The following BCL11B variants were observed in gnomAD, a reference collection of about 807,000 sequenced individuals.
The protein encoded by BCL11B is B-cell lymphoma/leukemia 11B.
In BCL11B, 8 loss-of-function variants were observed where a neutral mutation model predicts 49.9. The observed-to-expected ratio is 0.16, with a 90% CI of 0.09 to 0.29. The LOEUF (loss-of-function observed/expected upper bound fraction) is 0.29, where lower values mean the gene tolerates loss of function less well. BCL11B is among the 10% of genes least tolerant of loss of function. BCL11B has a pLI of 1.00. For missense variants in BCL11B, 1,006 were observed against 1,351.0 expected, an observed-to-expected ratio of 0.74 and a Z score of 4.00; for synonymous variants, 739 against 637.4, an observed-to-expected ratio of 1.16 and a Z score of -2.40.
Position 99,174,430 on chromosome 14 carries a change from G to A in BCL11B, c.2406C>T (p.Gly802=), listed in dbSNP as rs1370274702. 2 of 1,612,810 alleles carry A rather than the reference G, an allele frequency of 1.2e-6. No individual in the cohort carries two copies. Among genetic ancestry groups the A allele is most frequent in the Middle Eastern group, 1.7e-4 (1 of 6,054 alleles). ...GRRSDTCEYC[G]KVFKNCSNLT... is the part of the protein sequence containing the mutation. ...AGTTGCTGCAGTTCTTGAACACCTTGCCGCAGTACTCGCACGTGTCGCTGC... is the reference window on the plus strand; with the variant it reads ...AGTTGCTGCAGTTCTTGAACACCTTACCGCAGTACTCGCACGTGTCGCTGC... The change falls in exon 4 of 4, where the codon GGC becomes GGT. Residue 802 remains glycine, a synonymous_variant. Transcript: ENST00000357195.
chr14:99,196,029 G>A (rs564159751), intron 3 of BCL11B, among the ~76,000 whole-genome samples: 2 of 152,252 alleles, frequency 1.3e-5, no homozygotes, highest in East Asian at 1.9e-4. Flanking sequence ...GTCCTGGCCC[G>A]CTTCCCAGTC....
Position 99,174,501 on chromosome 14 carries a change from G to A in BCL11B, c.2335C>T (p.Leu779=). ...GTASGGSTPH[L]GGPGPGRPSS... ...GGCCGCCCGGGGCCCGGGCCGCCCA[G>A]GTGCGGGGTGCTGCCTCCGCTGGCC... Residue 779 remains leucine (L), a synonymous_variant, in exon 4 of 4, where the codon CTG becomes TTG. Coordinates refer to ENST00000357195, the MANE Select transcript of BCL11B (RefSeq NM_138576.4). 6.5e-7 allele frequency: 1 copy of A among 1,544,934 alleles called. No individual in the cohort carries two copies. The highest frequency in any genetic ancestry group is 8.7e-7 in the Non-Finnish European group (1 of 1,147,430).
chr14:99,196,028 C>T (rs1023491084), intron 3 of BCL11B, among the ~76,000 whole-genome samples: 6 of 152,112 alleles, frequency 3.9e-5, no homozygotes, highest in South Asian at 2.1e-4. Context: ...AGTCCTGGCC[C>T]GCTTCCCAGT....
In BCL11B at chr14:99,174,527, G is replaced by A; in HGVS notation, c.2309C>T (p.Thr770Met). Residue 770 changes from threonine to methionine, a missense_variant, in exon 4 of 4, where the codon ACG (threonine) becomes ATG (methionine). By Grantham distance (81) the Thr-to-Met change is moderately conservative. Coordinates refer to ENST00000357195, the MANE Select transcript of BCL11B (RefSeq NM_138576.4). Reference sequence around the variant, plus strand: ...GTGCGGGGTGCTGCCTCCGCTGGCCGTGCCGCTGCGGCCCGAGAGGCCGCC... The same window carrying A: ...GTGCGGGGTGCTGCCTCCGCTGGCCATGCCGCTGCGGCCCGAGAGGCCGCC... ...LDGGLSGRSG[T>M]ASGGSTPHLG... 2.0e-6 allele frequency: 3 copies of A among 1,519,228 alleles called. No individual in the cohort carries two copies. The highest frequency in any genetic ancestry group is 2.6e-6 in the Non-Finnish European group (3 of 1,135,442). The allele number at this position is 1,519,228 out of a possible 1,614,324, so 94.1% of individuals were successfully genotyped here.
rs1355966533 is a variant in BCL11B at position 99,241,500 on chromosome 14, A to G, written c.428-9943T>C. Among the ~76,000 whole-genome samples, 1 of 152,136 alleles carries G rather than the reference A, an allele frequency of 6.6e-6. No homozygotes were observed. The highest frequency in any genetic ancestry group is 2.4e-5 in the African/African-American group (1 of 41,434). On this transcript the variant is annotated intron_variant, in intron 2 of 3. Coordinates refer to ENST00000357195, the MANE Select transcript of BCL11B (RefSeq NM_138576.4). The surrounding 1 kb of genome is among the most constrained non-coding windows in gnomAD (Gnocchi z 4.4). ...AGAAAAAAAAAAATCTTCGCACCACATCACCAAAATGGCAGAAAAATTAAG... is the reference window on the plus strand; with the variant it reads ...AGAAAAAAAAAAATCTTCGCACCACGTCACCAAAATGGCAGAAAAATTAAG...
intron 3 of BCL11B, among the ~76,000 whole-genome samples, chr14:99,223,550 C>A (rs180682342): frequency 6.6e-6 from 1 of 152,174 alleles, no homozygotes; most frequent in African/African-American, 2.4e-5. Flanking sequence ...CTGTTTAATA[C>A]GGCGCTGCTC....
At chr14:99,202,998 A>C (rs1887430725) in intron 3 of BCL11B, among the ~76,000 whole-genome samples, 1 of 152,202 alleles carries the variant, frequency 6.6e-6, no homozygotes, top group Non-Finnish European at 1.5e-5. Context: ...TAAGAAATAC[A>C]CAGGGTCCCC....
At position 99,174,929 on chromosome 14, in the gene BCL11B, T is replaced by C. The variant is rs1043387726; in HGVS notation, c.1907A>G (p.Asp636Gly). Reference protein sequence around the residue: ...RAAGGGDAGDDDDAGGCGDAG... With the variant: ...RAAGGGDAGDGDDAGGCGDAG... ...GTCCCCGCAGCCGCCCGCGTCGTCG[T>C]CGTCGCCCGCGTCCCCGCCGCCCGC... The change falls in exon 4 of 4, where the codon GAC (aspartate) becomes GGC (glycine). Residue 636 changes from aspartate (D) to glycine (G), a missense_variant. Physicochemically the swap from Asp to Gly is moderately conservative, Grantham distance 94 (BLOSUM62 -1). This residue lies in a region of BCL11B where 443 missense variants were observed against 499.7 expected (regional missense o/e 0.89). Coordinates refer to ENST00000357195, the MANE Select transcript of BCL11B (RefSeq NM_138576.4). 4.0e-5 allele frequency: 53 copies of C among 1,312,316 alleles called. No homozygotes were observed. The highest frequency in any genetic ancestry group is 4.8e-5 in the Non-Finnish European group (49 of 1,025,424). The allele number at this position is 1,312,316 out of a possible 1,614,324, so 81.3% of individuals were successfully genotyped here. A position where few individuals can be genotyped will look rare whatever the true frequency, so the allele number is the denominator to read the frequency against.
chr14:99,181,453 C>T (rs1255878601), intron 3 of BCL11B, among the ~76,000 whole-genome samples: 3 of 152,248 alleles, frequency 2.0e-5, no homozygotes, highest in African/African-American at 2.4e-5. Flanking sequence ...GGGCAGGCCA[C>T]GCTCCTCCTC....
At chr14:99,191,152 C>T (rs1421093190) in intron 3 of BCL11B, among the ~76,000 whole-genome samples, 1 of 152,218 alleles carries the variant, frequency 6.6e-6, no homozygotes, top group East Asian at 1.9e-4. Flanking sequence ...GTTGTTTTGC[C>T]CCTCCAGGAA....
In BCL11B at chr14:99,217,385, G is replaced by GACACACACACACATACAC. The variant is rs555834922; in HGVS notation, c.640+13959_640+13960insGTGTATGTGTGTGTGTGT. 3.8e-5 allele frequency among the ~76,000 whole-genome samples: 5 copies of GACACACACACACATACAC among 131,130 alleles called. No individual in the cohort carries two copies. The East Asian group carries it at 6.4e-4, about 17-fold the overall frequency. 86.0% of individuals were successfully genotyped at this position (131,130 alleles called of 152,430 possible). A position where few individuals can be genotyped will look rare whatever the true frequency, so the allele number is the denominator to read the frequency against. ...GAGTACAAATATACACACACATACA[G>GACACACACACACATACAC]ACACACACACACACACACACACACA... On this transcript the variant is annotated intron_variant, in intron 3 of 3. Coordinates refer to ENST00000357195, the MANE Select transcript of BCL11B (RefSeq NM_138576.4).
chr14:99,175,699 G>T lies in BCL11B; in HGVS notation c.1137C>A (p.Pro379=). 6.6e-7 allele frequency: 1 copy of T among 1,511,102 alleles called. No homozygotes were observed. The highest frequency in any genetic ancestry group is 8.7e-7 in the Non-Finnish European group (1 of 1,144,938). The allele number at this position is 1,511,102 out of a possible 1,614,324, so 93.6% of individuals were successfully genotyped here. Residue 379 remains proline (P), a synonymous_variant, in exon 4 of 4, where the codon CCC becomes CCA. Transcript: ENST00000357195. ...TAGGGTTGCCGCGGCCCGGGGACAC[G>T]GGCGGCGGCGTGGAGCTGTTGCCCG... The part of the protein sequence containing the change: ...ELAGNSSTPP[P]VSPGRGNPMH...
intron 3 of BCL11B, among the ~76,000 whole-genome samples, chr14:99,230,132 C>T (rs1025530629): frequency 6.6e-6 from 1 of 152,144 alleles, no homozygotes; most frequent in African/African-American, 2.4e-5. Flanking sequence ...CCAGGCCACC[C>T]TACTAGGGAG....
intron 2 of BCL11B, among the ~76,000 whole-genome samples, chr14:99,238,476 G>A (rs971206864): frequency 1.3e-5 from 2 of 152,196 alleles, no homozygotes; most frequent in Non-Finnish European, 2.9e-5. Flanking sequence ...CCCAAGGACT[G>A]GTGAAGTTAC....
At chr14:99,270,218 A>ACTGCG (rs1347038014) in intron 1 of BCL11B, among the ~76,000 whole-genome samples, 10 of 152,122 alleles carry the variant, frequency 6.6e-5, no homozygotes, top group African/African-American at 2.4e-4. Context: ...GTGGATTTCC[A>ACTGCG]CTGCGACCTG....
At chr14:99,269,847 C>G (rs1012964683) in intron 1 of BCL11B, among the ~76,000 whole-genome samples, 1 of 126,498 alleles carries the variant, frequency 7.9e-6, no homozygotes, top group African/African-American at 3.1e-5. Flanking sequence ...TCGATGGCAC[C>G]CAGAGGATGT....
intron 3 of BCL11B, among the ~76,000 whole-genome samples, chr14:99,229,169 C>T (rs1027278080): frequency 1.1e-4 from 16 of 151,770 alleles, no homozygotes; most frequent in African/African-American, 3.4e-4. Context: ...GACGGATAGA[C>T]GTGAGCTGTG....
intron 3 of BCL11B, among the ~76,000 whole-genome samples, chr14:99,201,104 G>C (rs138332914): frequency 1.3e-5 from 2 of 152,322 alleles, no homozygotes; most frequent in East Asian, 3.9e-4. Context: ...CAGGATCAAA[G>C]CTGCAGAGGA....
chr14:99,234,893 G>C (rs1888447667), intron 2 of BCL11B, among the ~76,000 whole-genome samples: 1 of 130,284 alleles, frequency 7.7e-6, no homozygotes. Context: ...CTAAAAATAA[G>C]GCCCCTAAAA....
Sources: allele counts gnomAD v4.1 joint callset (sites outside exome capture counted in the v4.1 genomes callset), GRCh38; gene constraint gnomAD v4.1.1; regional missense constraint gnomAD v4.1.1; non-coding constraint Gnocchi (gnomAD v3.1); transcripts MANE v1.5; gene names NCBI Gene and HGNC (gene_info 2026-07-23, HGNC 2026-07-21).